The following PKD1 variants were observed in gnomAD, a reference collection of about 807,000 sequenced individuals.
PKD1 encodes polycystin-1.
PKD1 carries 81 observed loss-of-function variants against 361.7 expected under a neutral mutation model. That is an observed-to-expected ratio of 0.22 (90% CI 0.19 to 0.27). The LOEUF (loss-of-function observed/expected upper bound fraction) is 0.27, where lower values mean the gene tolerates loss of function less well. Among genes scored for constraint, PKD1 ranks in the 10% least tolerant of loss-of-function variants. The pLI is 1.00. For synonymous variants in PKD1, 3,615 were observed against 2,818.3 expected, an observed-to-expected ratio of 1.28 and a Z score of -8.95; for missense variants, 6,399 against 6,118.3, an observed-to-expected ratio of 1.05 and a Z score of -1.53.
At position 2,111,400 on chromosome 16, in the gene PKD1, G is replaced by T; in HGVS notation, c.3767C>A (p.Pro1256Gln). 1 of 1,611,560 alleles carries T rather than the reference G, an allele frequency of 6.2e-7. No individual in the cohort carries two copies. The highest frequency in any genetic ancestry group is 8.5e-7 in the Non-Finnish European group (1 of 1,179,540). Residue 1256 changes from proline to glutamine, a missense_variant, in exon 15 of 46, where the codon CCG (proline) becomes CAG (glutamine). Coordinates refer to ENST00000262304, the MANE Select transcript of PKD1 (RefSeq NM_001009944.3). ...DMGDGTVLSG[P>Q]EATVEHVYLR... Reference sequence around the variant, plus strand: ...GTACACATGCTCCACTGTTGCCTCCGGGCCCGACAGCACGGTGCCGTCCCC... The same window carrying T: ...GTACACATGCTCCACTGTTGCCTCCTGGCCCGACAGCACGGTGCCGTCCCC...
chr16:2,114,400 G>T lies in PKD1; in HGVS notation c.2623C>A (p.Pro875Thr), dbSNP rs1383315667. Residue 875 changes from proline (P) to threonine (T), a missense_variant, in exon 11 of 46, where the codon CCT (proline) becomes ACT (threonine). Physicochemically the swap from Pro to Thr is conservative, Grantham distance 38 (BLOSUM62 -1). Transcript: ENST00000262304. ...GGCACGAAGGTGGCCACCAGGGCAG[G>T]GCAGACATTCTCAAAGCGGGCGCTG... ...SVSARFENVCPALVATFVPGC... is the reference protein window; with the variant it reads ...SVSARFENVCTALVATFVPGC... The T allele has an allele frequency of 1.9e-6, 3 of 1,606,724 alleles. No individual in the cohort carries two copies. Among genetic ancestry groups the T allele is most frequent in the Non-Finnish European group, 2.5e-6 (3 of 1,179,640 alleles).
Position 2,109,408 on chromosome 16 carries a change from C to T in PKD1, c.5759G>A (p.Arg1920His), listed in dbSNP as rs776028509. Reference protein sequence around the residue: ...LLAAGSAVTFRLQVGGANPEV... With the variant: ...LLAAGSAVTFHLQVGGANPEV... ...GGGGTTGGCCCCGCCGACCTGCAGG[C>T]GGAAGGTGACAGCTGAGCCGGCAGC... Residue 1920 changes from arginine to histidine, a missense_variant, in exon 15 of 46, where the codon CGC becomes CAC. Coordinates refer to ENST00000262304, the MANE Select transcript of PKD1 (RefSeq NM_001009944.3). 46 of 1,600,816 alleles carry T rather than the reference C, an allele frequency of 2.9e-5. No individual in the cohort carries two copies. Among genetic ancestry groups the T allele is most frequent in the African/African-American group, 4.0e-5 (3 of 74,860 alleles).
rs910006096 is a variant in PKD1, at chr16:2,116,109, A to G, written c.1732T>C (p.Phe578Leu). 1.3e-6 allele frequency: 2 copies of G among 1,553,302 alleles called. No individual in the cohort carries two copies. Among genetic ancestry groups the G allele is most frequent in the African/African-American group, 2.7e-5 (2 of 73,948 alleles). The change falls in exon 9 of 46, where the codon TTC becomes CTC. Residue 578 changes from phenylalanine (F) to leucine (L), a missense_variant. Physicochemically the swap from Phe to Leu is conservative, Grantham distance 22. Transcript: ENST00000262304. ...APHEPVEVMV[F>L]PGLRLSREAF... ...TCACGGCTCAGACGCAGGCCCGGGA[A>G]TACCATGACCTGGTGGGCAGGGGGC...
chr16:2,089,613 C>G lies in PKD1; in HGVS notation c.*114G>C. 7.6e-7 allele frequency: 1 copy of G among 1,318,258 alleles called. No individual in the cohort carries two copies. The highest frequency in any genetic ancestry group is 1.1e-6 in the Non-Finnish European group (1 of 949,508). 81.7% of individuals were successfully genotyped at this position (1,318,258 alleles called of 1,614,324 possible). A position where few individuals can be genotyped will look rare whatever the true frequency, so the allele number is the denominator to read the frequency against. Reference sequence around the variant, plus strand: ...ACAGACAGATGCCCCTGCCTGCTCTCTGGGGAACCTACGTGCAGCCATTCT... The same window carrying G: ...ACAGACAGATGCCCCTGCCTGCTCTGTGGGGAACCTACGTGCAGCCATTCT... On this transcript the variant is annotated 3_prime_UTR_variant, in exon 46 of 46. Transcript: ENST00000262304.
In PKD1 at chr16:2,097,435, A is replaced by G; in HGVS notation, c.10289T>C (p.Val3430Ala). 6.2e-7 allele frequency: 1 copy of G among 1,607,578 alleles called. No homozygotes were observed. Among genetic ancestry groups the G allele is most frequent in the Non-Finnish European group, 8.5e-7 (1 of 1,179,922 alleles). ...WPDLLSDPSIVGSNLRQLARG... is the reference protein window; with the variant it reads ...WPDLLSDPSIAGSNLRQLARG... The stretch of plus-strand genomic sequence containing the variant: ...TGCCAGCTGCCGCAGATTGCTACCC[A>G]CAATGGACGGGTCACTGAGCAGGTC... The change falls in exon 33 of 46, where the codon GTG becomes GCG. Residue 3430 changes from valine to alanine, a missense_variant. By Grantham distance (64) the Val-to-Ala change is moderately conservative. Coordinates refer to ENST00000262304, the MANE Select transcript of PKD1 (RefSeq NM_001009944.3).
At chr16:2,130,823 G>A (rs926569421) in intron 1 of PKD1, among the ~76,000 whole-genome samples, 1 of 152,234 alleles carries the variant, frequency 6.6e-6, no homozygotes, top group Non-Finnish European at 1.5e-5. Flanking sequence ...AAGGCCCCGG[G>A]TGCTCCTATA....
chr16:2,091,546 C>A lies in PKD1; in HGVS notation c.11589G>T (p.Leu3863=). 1 of 1,520,080 alleles carries A rather than the reference C, an allele frequency of 6.6e-7. No individual in the cohort carries two copies. Among genetic ancestry groups the A allele is most frequent in the Non-Finnish European group, 8.7e-7 (1 of 1,146,958 alleles). The allele number at this position is 1,520,080 out of a possible 1,614,324, so 94.2% of individuals were successfully genotyped here. Residue 3863 remains leucine, a synonymous_variant, in exon 42 of 46, where the codon CTG becomes CTT. Transcript: ENST00000262304. ...ELTRYSPAVG[L]HAAVTLRLEF... is the part of the protein sequence containing the mutation. ...CGAGGCGCAGCGTGACGGCGGCGTG[C>A]AGCCCCACGGCCGGGCTGTAGCGCG...
rs756444138 is a variant in PKD1 at position 2,111,861 on chromosome 16, G to A, written c.3306C>T (p.Leu1102=). ...MHTYAAPGEY[L]LTVLASNAFE... Reference sequence around the variant, plus strand: ...AGGCATTAGATGCCAGCACGGTCAGGAGGTACTCACCTGTGGGGACAGGCC... The same window carrying A: ...AGGCATTAGATGCCAGCACGGTCAGAAGGTACTCACCTGTGGGGACAGGCC... The change falls in exon 15 of 46, where the codon CTC becomes CTT. Residue 1102 remains leucine, a synonymous_variant. Coordinates refer to ENST00000262304, the MANE Select transcript of PKD1 (RefSeq NM_001009944.3). 2 of 1,610,276 alleles carry A rather than the reference G, an allele frequency of 1.2e-6. No homozygotes were observed. The highest frequency in any genetic ancestry group is 3.3e-5 in the Admixed American group (2 of 60,004).
chr16:2,111,959 G>A (rs960971343), intron 14 of PKD1, 88 bp from the exon 15 acceptor site: 324 of 1,410,616 alleles, frequency 2.3e-4, no homozygotes, highest in Non-Finnish European at 2.3e-4. Flanking sequence ...GAGGAGCCCG[G>A]GGTGAACGGC....
chr16:2,130,805 G>T (rs2092865719), intron 1 of PKD1, among the ~76,000 whole-genome samples: 1 of 152,246 alleles, frequency 6.6e-6, no homozygotes, highest in African/African-American at 2.4e-5. Flanking sequence ...ATGCAGGTGG[G>T]AAAGGGCAAG....
intron 1 of PKD1, among the ~76,000 whole-genome samples, chr16:2,128,939 C>G (rs538654431): frequency 1.3e-5 from 2 of 151,976 alleles, no homozygotes; most frequent in African/African-American, 4.8e-5. Context: ...TATTGGCTCA[C>G]TGCAACCTCC....
intron 12 of PKD1, 96 bp downstream of exon 12, chr16:2,113,065 G>A: frequency 1.6e-6 from 2 of 1,275,128 alleles, no homozygotes; most frequent in Admixed American, 1.8e-5. Flanking sequence ...GCGTCCTCGG[G>A]CAGCATGAAG....
intron 11 of PKD1, among the ~76,000 whole-genome samples, chr16:2,113,623 C>T (rs1179487296): frequency 2.6e-5 from 4 of 152,218 alleles, no homozygotes; most frequent in Non-Finnish European, 4.4e-5. Context: ...GCTCCTCACC[C>T]AGAGAGCTCG....
Position 2,089,468 on chromosome 16 carries a change from A to T in PKD1, c.*259T>A. 3.6e-6 allele frequency: 2 copies of T among 550,990 alleles called. No homozygotes were observed. Among genetic ancestry groups the T allele is most frequent in the Non-Finnish European group, 6.5e-6 (2 of 308,664 alleles). 34.1% of individuals were successfully genotyped at this position (550,990 alleles called of 1,614,324 possible). On this transcript the variant is annotated 3_prime_UTR_variant, in exon 46 of 46. Coordinates refer to ENST00000262304, the MANE Select transcript of PKD1 (RefSeq NM_001009944.3). ...CTGTACCTGAGGACTCGGGGAAATAAATTAGCATCTCAGAGGCTAGAAACC... is the reference window on the plus strand; with the variant it reads ...CTGTACCTGAGGACTCGGGGAAATATATTAGCATCTCAGAGGCTAGAAACC...
At position 2,090,564 on chromosome 16, in the gene PKD1, G is replaced by C. The variant is rs375183934; in HGVS notation, c.12165C>G (p.Leu4055=). ...CCAACAGGGCCTGGGCCACGCTCCA[G>C]AGGGAGTCCACACAGGAAGACACGA... ...ILLVSSCVDS[L]WSVAQALLVL... The change falls in exon 45 of 46, where the codon CTC becomes CTG. Residue 4055 remains leucine (L), a synonymous_variant. Coordinates refer to ENST00000262304, the MANE Select transcript of PKD1 (RefSeq NM_001009944.3). The C allele has an allele frequency of 6.8e-6, 11 of 1,609,132 alleles. No individual in the cohort carries two copies. The highest frequency in any genetic ancestry group is 7.6e-6 in the Non-Finnish European group (9 of 1,179,670).
Position 2,110,693 on chromosome 16 carries a change from G to A in PKD1, c.4474C>T (p.Arg1492Cys), listed in dbSNP as rs769376063. 30 of 1,610,156 alleles carry A rather than the reference G, an allele frequency of 1.9e-5. No individual in the cohort carries two copies. The highest frequency in any genetic ancestry group is 6.7e-5 in the East Asian group (3 of 44,882). ...CACAGGTAGCTGGCGGGGCGCCCAC[G>A]GCCCACAGCAGAGAACAGGTACGGC... is the stretch of plus-strand genomic sequence containing the variant. ...QQPYLFSAVG[R>C]GRPASYLWDL... The change falls in exon 15 of 46, where the codon CGT (arginine) becomes TGT (cysteine). Residue 1492 changes from arginine to cysteine, a missense_variant. Arg to Cys is a radical substitution (Grantham distance 180). Transcript: ENST00000262304.
chr16:2,107,160 G>A (rs1319022709), intron 16 of PKD1: 3 of 628,540 alleles, frequency 4.8e-6, no homozygotes, highest in East Asian at 5.6e-5. Context: ...ACACTGGAGT[G>A]TGCGTTCTGG....
chr16:2,098,265 A>C lies in PKD1; in HGVS notation c.10051-281T>G, dbSNP rs3874649. 6.5e-3 allele frequency: 3,291 copies of C among 507,588 alleles called. 37 individuals are homozygous for C. Among genetic ancestry groups the C allele is most frequent in the South Asian group, 0.026 (1,265 of 48,360 alleles). The allele number at this position is 507,588 out of a possible 1,614,324, so 31.4% of individuals were successfully genotyped here. A position where few individuals can be genotyped will look rare whatever the true frequency, so the allele number is the denominator to read the frequency against. Reference sequence around the variant, plus strand: ...TCGCTGTCACCCAGGCTGGAGTGCAATGGCGCAATCTCAGCTCACTGCAAC... The same window carrying C: ...TCGCTGTCACCCAGGCTGGAGTGCACTGGCGCAATCTCAGCTCACTGCAAC... On this transcript the variant is annotated intron_variant, in intron 30 of 45. Transcript: ENST00000262304.
chr16:2,126,044 G>C (rs2092795984), intron 1 of PKD1, among the ~76,000 whole-genome samples: 1 of 152,094 alleles, frequency 6.6e-6, no homozygotes, highest in Admixed American at 6.5e-5. Flanking sequence ...GCGCCCGGCT[G>C]TGCGGGCACA....
Sources: allele counts gnomAD v4.1 joint callset (sites outside exome capture counted in the v4.1 genomes callset), GRCh38; gene constraint gnomAD v4.1.1; transcripts MANE v1.5; gene names NCBI Gene and HGNC (gene_info 2026-07-23, HGNC 2026-07-21).